The following SGCZ variants were observed in gnomAD, a reference collection of about 807,000 sequenced individuals.
SGCZ encodes sarcoglycan zeta, also known as zeta-sarcoglycan.
SGCZ carries 40 observed loss-of-function variants against 41.3 expected under a neutral mutation model. The ratio of observed to expected loss-of-function variants is 0.97; its 90% confidence interval spans 0.75 to 1.26. The LOEUF is 1.26. Ranked by LOEUF, SGCZ falls within the 50% of genes most tolerant of loss-of-function variation. The pLI is 0.00. For missense variants in SGCZ, 552 were observed against 369.8 expected, an observed-to-expected ratio of 1.49 and a Z score of -4.04; for synonymous variants, 206 against 137.5, an observed-to-expected ratio of 1.50 and a Z score of -3.49.
At chr8:14,225,868 A>G (rs985032630) in intron 4 of SGCZ, among the ~76,000 whole-genome samples, 10 of 152,140 alleles carry the variant, frequency 6.6e-5, no homozygotes, top group African/African-American at 2.2e-4. Context: ...TATTTCAATA[A>G]TGAGAATCTT....
At chr8:14,105,755 TGTA>T (rs1438781854) in intron 6 of SGCZ, among the ~76,000 whole-genome samples, 4 of 152,086 alleles carry the variant, frequency 2.6e-5, no homozygotes, top group African/African-American at 7.2e-5. Context: ...ATACACTAGA[TGTA>T]ATATCATTCG....
intron 5 of SGCZ, among the ~76,000 whole-genome samples, chr8:14,141,062 G>T (rs1188797222): frequency 2.0e-5 from 3 of 152,130 alleles, no homozygotes; most frequent in African/African-American, 7.2e-5. Context: ...ACAAAAACAA[G>T]CAATGGGGAA....
At chr8:14,210,296 T>G (rs1268756237) in intron 4 of SGCZ, among the ~76,000 whole-genome samples, 1 of 151,982 alleles carries the variant, frequency 6.6e-6, no homozygotes, top group Non-Finnish European at 1.5e-5. Context: ...TGACCTGAAG[T>G]GATCCACCTG....
intron 1 of SGCZ, among the ~76,000 whole-genome samples, chr8:14,796,180 G>A (rs191929407): frequency 2.7e-4 from 41 of 152,276 alleles, no homozygotes; most frequent in East Asian, 7.7e-4. Flanking sequence ...ATTCATTTGG[G>A]TATACACTCA....
chr8:14,379,383 G>A (rs1463593781), intron 2 of SGCZ, among the ~76,000 whole-genome samples: 1 of 152,088 alleles, frequency 6.6e-6, no homozygotes, highest in Admixed American at 6.6e-5. Flanking sequence ...ATTTACAATT[G>A]CAGTGCACAA....
At chr8:14,973,922 G>C (rs906456806) in intron 1 of SGCZ, among the ~76,000 whole-genome samples, 1 of 152,078 alleles carries the variant, frequency 6.6e-6, no homozygotes, top group Non-Finnish European at 1.5e-5. Context: ...TAAGAGACTA[G>C]GCTTTTTTTA....
chr8:14,142,195 A>C (rs1469758328), intron 5 of SGCZ, among the ~76,000 whole-genome samples: 2 of 152,168 alleles, frequency 1.3e-5, no homozygotes, highest in African/African-American at 2.4e-5. Flanking sequence ...GAGGGATAGC[A>C]CTGGGAGAAG....
chr8:14,871,134 G>C (rs1304366146), intron 1 of SGCZ, among the ~76,000 whole-genome samples: 1 of 152,040 alleles, frequency 6.6e-6, no homozygotes, highest in African/African-American at 2.4e-5. Flanking sequence ...TTGAACCCAA[G>C]AGGCAGAGGT....
At chr8:15,179,386 G>A (rs1424530030) in intron 1 of SGCZ, among the ~76,000 whole-genome samples, 2 of 152,062 alleles carry the variant, frequency 1.3e-5, no homozygotes, top group Admixed American at 6.6e-5. Context: ...TGTATTTTCT[G>A]GAATTATTTC....
chr8:14,701,843 A>T (rs887315583), intron 1 of SGCZ, among the ~76,000 whole-genome samples: 1 of 151,886 alleles, frequency 6.6e-6, no homozygotes, highest in African/African-American at 2.4e-5. Context: ...TTTCATTTTC[A>T]GCCTTTTTTC....
chr8:14,653,198 A>G (rs959492161), intron 1 of SGCZ, among the ~76,000 whole-genome samples: 1 of 152,040 alleles, frequency 6.6e-6, no homozygotes, highest in African/African-American at 2.4e-5. Flanking sequence ...TTGGGTCCAC[A>G]TAACTAGTTC....
At chr8:14,960,051 C>A (rs1800914435) in intron 1 of SGCZ, among the ~76,000 whole-genome samples, 1 of 152,128 alleles carries the variant, frequency 6.6e-6, no homozygotes, top group South Asian at 2.1e-4. Flanking sequence ...AACTGTGAAG[C>A]AAAGAGGTTG....
At chr8:14,346,178 A>C (rs1237198103) in intron 2 of SGCZ, among the ~76,000 whole-genome samples, 1 of 152,074 alleles carries the variant, frequency 6.6e-6, no homozygotes, top group African/African-American at 2.4e-5. Flanking sequence ...TACGTTACTA[A>C]TAGGAGAAAC....
intron 1 of SGCZ, among the ~76,000 whole-genome samples, chr8:14,620,801 A>G (rs370369056): frequency 5.9e-5 from 9 of 152,186 alleles, no homozygotes; most frequent in East Asian, 1.9e-4. Flanking sequence ...AGGTGCTGGA[A>G]AGGATGTGGA....
chr8:14,438,067 C>T (rs953810710), intron 2 of SGCZ, among the ~76,000 whole-genome samples: 23 of 151,910 alleles, frequency 1.5e-4, no homozygotes, highest in Middle Eastern at 3.4e-3. Context: ...GTAAATAAAT[C>T]TTTCCTATCA....
chr8:14,996,089 G>C (rs569275497), intron 1 of SGCZ, among the ~76,000 whole-genome samples: 8 of 152,094 alleles, frequency 5.3e-5, no homozygotes, highest in Admixed American at 5.2e-4. Context: ...GTTTTTAGTA[G>C]AGACGGGGTT....
At chr8:15,181,265 A>C (rs268360) in intron 1 of SGCZ, among the ~76,000 whole-genome samples, 1 of 151,400 alleles carries the variant, frequency 6.6e-6, no homozygotes, top group East Asian at 2.0e-4. Flanking sequence ...ATAAAGATTT[A>C]TTCTTTTTAC....
At chr8:14,105,263 C>T (rs971877344) in intron 6 of SGCZ, among the ~76,000 whole-genome samples, 2 of 152,076 alleles carry the variant, frequency 1.3e-5, no homozygotes, top group Non-Finnish European at 2.9e-5. Context: ...ACTCATCAAA[C>T]AGCTGCTGAA....
Position 14,215,350 on chromosome 8 carries a change from A to C in SGCZ, c.424+22242T>G, listed in dbSNP as rs912683279. Among the ~76,000 whole-genome samples the C allele has an allele frequency of 2.6e-5, 4 of 152,168 alleles. No homozygotes were observed. In the South Asian group the frequency reaches 8.3e-4, roughly 31 times the overall value. ...AAAAATCTAAGAAATAAAAATGAAA[A>C]TATCACATCAGCACTAAAGCAGTGA... On this transcript the variant is annotated intron_variant, in intron 4 of 7. Transcript: ENST00000382080.
Sources: allele counts gnomAD v4.1 joint callset (sites outside exome capture counted in the v4.1 genomes callset), GRCh38; gene constraint gnomAD v4.1.1; transcripts MANE v1.5; gene names NCBI Gene and HGNC (gene_info 2026-07-23, HGNC 2026-07-21).